TMEM116: variants seen among roughly 807,000 people sequenced by gnomAD.
TMEM116 encodes the protein transmembrane protein 116.
TMEM116 carries 38 observed loss-of-function variants against 44.3 expected under a neutral mutation model. That is an observed-to-expected ratio of 0.86 (90% confidence interval 0.66 to 1.12). TMEM116 has a LOEUF of 1.12. Among genes scored for constraint, TMEM116 ranks in the 50% most tolerant of loss-of-function variants. The probability of loss-of-function intolerance (pLI) is 0.00; values close to 1 mark genes in which losing one functional copy is unlikely to be tolerated. For missense variants in TMEM116, 354 were observed against 401.7 expected, an observed-to-expected ratio of 0.88 and a Z score of 1.01; for synonymous variants, 132 against 144.8, an observed-to-expected ratio of 0.91 and a Z score of 0.64.
chr12:111,991,937 A>C, intron 3 of TMEM116, 48 bp from the exon 4 acceptor site: 6 of 1,500,504 alleles, frequency 4.0e-6, no homozygotes, highest in Non-Finnish European at 5.3e-6. Flanking sequence ...TAGCTAGGAG[A>C]ATGTTAACAA....
intron 4 of TMEM116, among the ~76,000 whole-genome samples, chr12:111,946,515 T>C (rs1195146782): frequency 6.6e-6 from 1 of 152,226 alleles, no homozygotes; most frequent in African/African-American, 2.4e-5. Flanking sequence ...GCTCAGGATA[T>C]TGTTTGTGGT....
At chr12:111,992,490 C>T (rs1484638890) in intron 3 of TMEM116, among the ~76,000 whole-genome samples, 2 of 152,058 alleles carry the variant, frequency 1.3e-5, no homozygotes, top group African/African-American at 4.8e-5. Context: ...AGGACGGTCT[C>T]GATCTCCTGA....
Position 111,991,797 on chromosome 12 carries a change from A to C in TMEM116, c.171T>G (p.Asn57Lys), listed in dbSNP as rs757867769. 2 of 1,535,518 alleles carry C rather than the reference A, an allele frequency of 1.3e-6. No homozygotes were observed. Among genetic ancestry groups the C allele is most frequent in the African/African-American group, 2.7e-5 (2 of 72,996 alleles). ...GTAGGTTATAGCAGATGATGTCCTT[A>C]TTTGCTACTGAAGCTCCATAGAGAA... is the stretch of plus-strand genomic sequence containing the variant. Reference protein sequence around the residue: ...ETLLYGASVANKDIICYNLQA... With the variant: ...ETLLYGASVAKKDIICYNLQA... The change falls in exon 4 of 11, where the codon AAT (asparagine) becomes AAG (lysine). Residue 57 changes from asparagine to lysine, a missense_variant. Asn to Lys is a moderately conservative substitution (Grantham distance 94). Transcript: ENST00000552374.
At chr12:111,977,593 T>C (rs913555213) in intron 4 of TMEM116, among the ~76,000 whole-genome samples, 2 of 152,092 alleles carry the variant, frequency 1.3e-5, no homozygotes, top group East Asian at 1.9e-4. Context: ...ATTGTGTATG[T>C]CAGTAAATTC....
chr12:111,939,176 T>C (rs983035630), intron 5 of TMEM116, among the ~76,000 whole-genome samples: 1 of 152,136 alleles, frequency 6.6e-6, no homozygotes, highest in African/African-American at 2.4e-5. Context: ...TATTGCTGGC[T>C]GGGTGCAGTG....
chr12:111,988,972 A>ATAGT (rs1287480681), intron 4 of TMEM116, among the ~76,000 whole-genome samples: 4 of 152,212 alleles, frequency 2.6e-5, no homozygotes, highest in African/African-American at 9.6e-5. Context: ...AGCCTGGGCA[A>ATAGT]TAGTGTGAGA....
rs1269715593 is a variant in TMEM116 at position 111,945,145 on chromosome 12, C to A, written c.211-1776G>T. Reference sequence around the variant, plus strand: ...CCTTGAAAAGGTCAGGAGTTCGAGACCAGCCTGGCCAATATGGTGAAACCC... The same window carrying A: ...CCTTGAAAAGGTCAGGAGTTCGAGAACAGCCTGGCCAATATGGTGAAACCC... On this transcript the variant is annotated intron_variant, in intron 4 of 10. Transcript: ENST00000552374. Among the ~76,000 whole-genome samples the A allele has an allele frequency of 2.0e-5, 3 of 148,338 alleles. No individual in the cohort carries two copies. The East Asian group carries it at 5.9e-4, about 29-fold the overall frequency.
intron 4 of TMEM116, among the ~76,000 whole-genome samples, chr12:111,984,673 G>T (rs1369880840): frequency 6.6e-6 from 1 of 151,788 alleles, no homozygotes; most frequent in Non-Finnish European, 1.5e-5. Context: ...CATTTTAAAA[G>T]AATTAAAACA....
At chr12:111,976,299 T>C (rs1798324411) in intron 4 of TMEM116, among the ~76,000 whole-genome samples, 1 of 152,058 alleles carries the variant, frequency 6.6e-6, no homozygotes, top group Admixed American at 6.6e-5. Flanking sequence ...CAGTAAATTG[T>C]AGGAAACTGA....
chr12:111,950,530 C>T (rs529505522), intron 4 of TMEM116, among the ~76,000 whole-genome samples: 6 of 150,106 alleles, frequency 4.0e-5, no homozygotes, highest in Non-Finnish European at 7.4e-5. Context: ...TAAGGCTGCA[C>T]ATCTACAACT....
At chr12:112,003,541 CT>C (rs1202450687) in intron 3 of TMEM116, 2 of 300,360 alleles carry the variant, frequency 6.7e-6, no homozygotes, top group Non-Finnish European at 1.2e-5. Context: ...GCACTCCAGC[CT>C]GGGTGACAGA....
At chr12:112,009,179 AAAAC>A (rs1415405433) in intron 1 of TMEM116, among the ~76,000 whole-genome samples, 1 of 152,210 alleles carries the variant, frequency 6.6e-6, no homozygotes, top group Admixed American at 6.5e-5. Flanking sequence ...TATAAAGTAT[AAAAC>A]AAACATTGTA....
At chr12:111,948,917 AAAAAT>A (rs1164979938) in intron 4 of TMEM116, among the ~76,000 whole-genome samples, 2 of 151,914 alleles carry the variant, frequency 1.3e-5, no homozygotes, top group Admixed American at 6.6e-5. Context: ...CATCTCTACA[AAAAAT>A]AAAATAAAAT....
At chr12:111,963,385 G>A (rs890600030) in intron 4 of TMEM116, among the ~76,000 whole-genome samples, 1 of 152,188 alleles carries the variant, frequency 6.6e-6, no homozygotes, top group Non-Finnish European at 1.5e-5. Context: ...TATGTTTATT[G>A]TGGCACTATT....
intron 4 of TMEM116, among the ~76,000 whole-genome samples, chr12:111,957,262 T>G (rs1428099182): frequency 6.9e-6 from 1 of 144,790 alleles, no homozygotes; most frequent in Non-Finnish European, 1.5e-5. Flanking sequence ...ATGTGAAGAG[T>G]GCCTCTGCCC....
intron 4 of TMEM116, among the ~76,000 whole-genome samples, chr12:111,969,961 G>A (rs1413228080): frequency 3.3e-5 from 5 of 152,054 alleles, no homozygotes; most frequent in African/African-American, 1.2e-4. Flanking sequence ...TCAAAGTGTA[G>A]CAATAGAAAA....
chr12:111,956,749 G>A (rs1199895317), intron 4 of TMEM116, among the ~76,000 whole-genome samples: 3 of 152,170 alleles, frequency 2.0e-5, no homozygotes, highest in African/African-American at 7.2e-5. Context: ...TCCTGACCGC[G>A]AGTGGTCTGC....
At chr12:111,990,086 T>G (rs1245798810) in intron 4 of TMEM116, among the ~76,000 whole-genome samples, 1 of 151,976 alleles carries the variant, frequency 6.6e-6, no homozygotes, top group African/African-American at 2.4e-5. Flanking sequence ...AAACCCCGTC[T>G]CTACTAAAAA....
At chr12:112,000,841 T>G in intron 3 of TMEM116, 1 of 489,458 alleles carries the variant, frequency 2.0e-6, no homozygotes, top group Non-Finnish European at 4.2e-6. Context: ...AGCTGAGATT[T>G]AATTCCTGGC....
Sources: allele counts gnomAD v4.1 joint callset (sites outside exome capture counted in the v4.1 genomes callset), GRCh38; gene constraint gnomAD v4.1.1; transcripts MANE v1.5; gene names NCBI Gene and HGNC (gene_info 2026-07-23, HGNC 2026-07-21).